Variants in CCM2 observed in about 807,000 individuals in gnomAD.
CCM2 encodes cerebral cavernous malformations 2 protein.
Under a neutral mutation model 44.9 loss-of-function variants are expected in CCM2, and 25 were observed. The observed-to-expected ratio is 0.56, with a 90% CI of 0.41 to 0.78. CCM2 has a LOEUF of 0.78. Ranked by LOEUF, CCM2 falls within the 30% of genes least tolerant of loss-of-function variation. The pLI is 0.00. For missense variants in CCM2, 481 were observed against 580.6 expected, an observed-to-expected ratio of 0.83 and a Z score of 1.76; for synonymous variants, 219 against 241.1, an observed-to-expected ratio of 0.91 and a Z score of 0.85.
chr7:45,073,818 G>T, intron 8 of CCM2: 1 of 573,434 alleles, frequency 1.7e-6, no homozygotes, highest in Non-Finnish European at 3.1e-6. Context: ...GCCTGTGCTT[G>T]GGTCCTGGGG....
In CCM2 at chr7:45,000,210, GGGCC is replaced by G. The variant is rs1246171850; in HGVS notation, c.-123_-120del. On this transcript the variant is annotated 5_prime_UTR_variant, in exon 1 of 10. Transcript: ENST00000258781. ...GGGGCGCGGCCGGGGCGGAGACTTC[GGGCC>G]CGGCTGGCGGGCGGCGCCGGGAGCG... 7.0e-5 allele frequency: 34 copies of G among 486,658 alleles called. No individual in the cohort carries two copies. Among genetic ancestry groups the G allele is most frequent in the Non-Finnish European group, 8.8e-5 (33 of 375,516 alleles). 30.1% of individuals were successfully genotyped at this position (486,658 alleles called of 1,614,324 possible). A position where few individuals can be genotyped will look rare whatever the true frequency, so the allele number is the denominator to read the frequency against.
chr7:45,061,170 G>A (rs1325925611), intron 2 of CCM2, among the ~76,000 whole-genome samples: 2 of 152,198 alleles, frequency 1.3e-5, no homozygotes, highest in African/African-American at 2.4e-5. Context: ...TTATTACACA[G>A]GGGTCCTGTT....
chr7:45,031,307 G>A (rs539764633), intron 1 of CCM2, among the ~76,000 whole-genome samples: 13 of 148,880 alleles, frequency 8.7e-5, no homozygotes, highest in East Asian at 6.0e-4. Flanking sequence ...GCTTGAGCCC[G>A]GGAGGTGGAG....
intron 1 of CCM2, among the ~76,000 whole-genome samples, chr7:45,007,819 TGAG>T (rs1302523842): frequency 6.6e-6 from 1 of 152,178 alleles, no homozygotes; most frequent in Non-Finnish European, 1.5e-5. Context: ...GAAACCTAGT[TGAG>T]GAGTGGGAGA....
chr7:45,015,502 G>T (rs879652743), intron 1 of CCM2, among the ~76,000 whole-genome samples: 3 of 152,208 alleles, frequency 2.0e-5, no homozygotes, highest in Non-Finnish European at 4.4e-5. Context: ...ATGAAAGGGA[G>T]GGGGAGGTGA....
chr7:45,061,056 T>A (rs1467143616), intron 2 of CCM2, among the ~76,000 whole-genome samples: 1 of 152,210 alleles, frequency 6.6e-6, no homozygotes, highest in Non-Finnish European at 1.5e-5. Context: ...GATAAAAATC[T>A]CCTGTGTATC....
chr7:45,032,674 G>C (rs1198808394), intron 1 of CCM2, among the ~76,000 whole-genome samples: 1 of 152,186 alleles, frequency 6.6e-6, no homozygotes, highest in Non-Finnish European at 1.5e-5. Context: ...CCTGGTCCAA[G>C]CGTTCCATCA....
At chr7:45,050,501 C>T (rs1033323781) in intron 2 of CCM2, among the ~76,000 whole-genome samples, 8 of 152,232 alleles carry the variant, frequency 5.3e-5, no homozygotes, top group Admixed American at 2.6e-4. Context: ...TGAGGGACAA[C>T]TGTACCTGTT....
At chr7:45,067,575 C>A (rs1029571440) in intron 4 of CCM2, 1 of 152,200 alleles carries the variant, frequency 6.6e-6, no homozygotes, top group Admixed American at 6.5e-5. Context: ...CTTTGCCTAC[C>A]TCTGAAACCC....
chr7:45,052,856 G>A (rs1038516097), intron 2 of CCM2, among the ~76,000 whole-genome samples: 5 of 152,168 alleles, frequency 3.3e-5, no homozygotes, highest in Non-Finnish European at 7.3e-5. Flanking sequence ...GATTTACTAT[G>A]GCCAGGGGTC....
chr7:44,999,773 T>C (rs1161909710), upstream of CCM2: 1 of 450,602 alleles, frequency 2.2e-6, no homozygotes, highest in Non-Finnish European at 4.4e-6. Context: ...GCCGTAAAGA[T>C]GGCGGCAAAT....
chr7:45,048,518 C>A (rs1400656292), intron 2 of CCM2, among the ~76,000 whole-genome samples: 1 of 152,110 alleles, frequency 6.6e-6, no homozygotes, highest in African/African-American at 2.4e-5. Flanking sequence ...TAGAAACATT[C>A]CTCTGGGAGG....
At chr7:45,008,746 A>T (rs1795949430) in intron 1 of CCM2, among the ~76,000 whole-genome samples, 1 of 152,156 alleles carries the variant, frequency 6.6e-6, no homozygotes, top group Non-Finnish European at 1.5e-5. Flanking sequence ...GATGTCTGAA[A>T]ATGCCCTAGA....
At chr7:45,048,834 A>G (rs536217243) in intron 2 of CCM2, among the ~76,000 whole-genome samples, 2 of 152,320 alleles carry the variant, frequency 1.3e-5, no homozygotes, top group African/African-American at 2.4e-5. Flanking sequence ...GTGCAGTGCA[A>G]GGCTCACGTG....
At chr7:45,028,230 G>A (rs1027795223) in intron 1 of CCM2, among the ~76,000 whole-genome samples, 2 of 152,202 alleles carry the variant, frequency 1.3e-5, no homozygotes, top group African/African-American at 4.8e-5. Context: ...CAACACTAGT[G>A]GGGTTCTGCT....
chr7:45,073,328 T>C (rs558946070), intron 7 of CCM2, 132 bp from the exon 8 acceptor site: 12 of 691,784 alleles, frequency 1.7e-5, no homozygotes, highest in Non-Finnish European at 3.1e-5. Flanking sequence ...CCTCTCATCA[T>C]CATCATCATC....
In CCM2 at chr7:45,075,779, C is replaced by T. The variant is rs1156834333; in HGVS notation, c.1057C>T (p.Leu353=). The change falls in exon 10 of 10, where the codon CTG becomes TTG. Residue 353 remains leucine, a splice_region_variant and synonymous_variant. Transcript: ENST00000258781. ...TGCTGGGTGTTGTGTGTCTGCAGGTCTGAGGCCCTTCATCCCTGAGAAGGA... is the reference window on the plus strand; with the variant it reads ...TGCTGGGTGTTGTGTGTCTGCAGGTTTGAGGCCCTTCATCCCTGAGAAGGA... ...GDSRKFLLLG[L]RPFIPEKDSQ... The T allele has an allele frequency of 1.9e-6, 3 of 1,613,668 alleles. No individual in the cohort carries two copies. Among genetic ancestry groups the T allele is most frequent in the Non-Finnish European group, 2.5e-6 (3 of 1,180,026 alleles).
At chr7:45,007,718 A>G (rs1377966233) in intron 1 of CCM2, among the ~76,000 whole-genome samples, 2 of 152,304 alleles carry the variant, frequency 1.3e-5, no homozygotes, top group East Asian at 3.9e-4. Flanking sequence ...GCTTAGGATG[A>G]TGGTGTGTCT....
intron 1 of CCM2, among the ~76,000 whole-genome samples, chr7:45,037,525 C>T (rs1797283322): frequency 6.8e-6 from 1 of 147,238 alleles, no homozygotes; most frequent in African/African-American, 2.5e-5. Context: ...TCAAGCAATT[C>T]TCCTGCCTTA....
Sources: gnomAD v4.1 joint callset for allele counts (sites outside exome capture counted in the v4.1 genomes callset) on GRCh38, gnomAD v4.1.1 for gene constraint, MANE v1.5 for transcripts, NCBI Gene and HGNC (gene_info 2026-07-23, HGNC 2026-07-21) for gene names.